Variants in PGC observed in about 807,000 individuals in gnomAD.
The protein encoded by PGC is progastricsin, also known as gastricsin.
In PGC, 31 loss-of-function variants were observed where a neutral mutation model predicts 45.9. The ratio of observed to expected loss-of-function variants is 0.67; its 90% CI spans 0.51 to 0.91. PGC has a LOEUF of 0.91. PGC is among the 40% of genes least tolerant of loss of function. The pLI is 0.00. For synonymous variants in PGC, 192 were observed against 201.8 expected (o/e 0.95, Z 0.41); for missense variants, 477 against 493.2 (o/e 0.97, Z 0.31).
chr6:41,742,345 C>T lies in PGC; in HGVS notation c.592G>A (p.Gly198Ser), dbSNP rs528863600. 8.7e-6 allele frequency: 14 copies of T among 1,614,178 alleles called. No homozygotes were observed. The highest frequency in any genetic ancestry group is 2.2e-5 in the East Asian group (1 of 44,880). Residue 198 changes from glycine to serine, a missense_variant, in exon 5 of 9, where the codon GGC becomes AGC. Coordinates refer to ENST00000373025, the MANE Select transcript of PGC (RefSeq NM_002630.4). Reference protein sequence around the residue: ...SVDEATTAMQGMVQEGALTSP... With the variant: ...SVDEATTAMQSMVQEGALTSP... ...GTGAGGGCGCCCTCCTGCACCATGC[C>T]CTGCATAGCTGTGGTGGCCTCATCC...
At chr6:41,738,295 C>T (rs956530020) in intron 7 of PGC, among the ~76,000 whole-genome samples, 2 of 145,066 alleles carry the variant, frequency 1.4e-5, no homozygotes, top group Non-Finnish European at 3.0e-5. Flanking sequence ...CATACACAGG[C>T]ATGAGCCATG....
Position 41,744,534 on chromosome 6 carries a change from C to T in PGC, c.211-20G>A, listed in dbSNP as rs1184357302. ...GGCAGCCTGGGGGCCATGGAGCAAG[C>T]TGTTAGTTCCAGAGGGATCCAGGGG... On this transcript the variant is annotated intron_variant, in intron 2 of 8. Coordinates refer to ENST00000373025, the MANE Select transcript of PGC (RefSeq NM_002630.4). This position sits in a 1 kb window ranked among gnomAD's most constrained non-coding sequence, Gnocchi z 4.4. 5.6e-6 allele frequency: 9 copies of T among 1,602,664 alleles called. No homozygotes were observed. Among genetic ancestry groups the T allele is most frequent in the African/African-American group, 1.3e-5 (1 of 74,702 alleles).
At chr6:41,738,154 A>ATG (rs1260069550) in intron 7 of PGC, among the ~76,000 whole-genome samples, 9 of 40,162 alleles carry the variant, frequency 2.2e-4, no homozygotes, top group African/African-American at 7.0e-4. Flanking sequence ...GCATATATAT[A>ATG]TACATATATA....
chr6:41,740,698 C>T, intron 5 of PGC, 88 bp from the exon 6 acceptor site: 6 of 1,504,030 alleles, frequency 4.0e-6, no homozygotes, highest in Non-Finnish European at 5.3e-6. Context: ...GGAAACAGAG[C>T]TCCTTCCCTG....
rs111317188 is a variant in PGC, at chr6:41,741,942, C to T, written c.647+348G>A. On this transcript the variant is annotated intron_variant, in intron 5 of 8. Transcript: ENST00000373025. ...GTCAGAAGGAAGTGAGCGAACTGCC[C>T]CACCCGCTTCTCCACCAGGAAGCCT... The T allele has an allele frequency of 6.3e-5, 58 of 919,556 alleles. 1 individual carries two copies. Among genetic ancestry groups the T allele is most frequent in the Middle Eastern group, 6.3e-4 (3 of 4,784 alleles). The allele number at this position is 919,556 out of a possible 1,614,324, so 57.0% of individuals were successfully genotyped here. A position where few individuals can be genotyped will look rare whatever the true frequency, so the allele number is the denominator to read the frequency against.
intron 6 of PGC, 33 bp from the exon 7 acceptor site, chr6:41,739,979 T>G (rs2127289114): frequency 6.2e-7 from 1 of 1,604,126 alleles, no homozygotes; most frequent in East Asian, 2.2e-5. Flanking sequence ...GCCTCAGGAC[T>G]CCCCCAGTTC....
intron 4 of PGC, among the ~76,000 whole-genome samples, chr6:41,742,801 CT>C (rs1020159388): frequency 6.6e-6 from 1 of 152,098 alleles, no homozygotes; most frequent in African/African-American, 2.4e-5. Context: ...ATTTTTTGTA[CT>C]TTTAATAGAG....
intron 7 of PGC, among the ~76,000 whole-genome samples, chr6:41,738,552 C>T (rs965152299): frequency 6.6e-6 from 1 of 151,894 alleles, no homozygotes; most frequent in East Asian, 1.9e-4. Flanking sequence ...TGCTTGAGCC[C>T]AGGAGGCGGA....
At position 41,736,744 on chromosome 6, in the gene PGC, A is replaced by G; in HGVS notation, c.*108T>C. ...AACTATTTATTATTAGAGAAAGTCC[A>G]GAGTCCAGAAAAAGAAGGCTGAATC... On this transcript the variant is annotated 3_prime_UTR_variant, in exon 9 of 9. Transcript: ENST00000373025. 1.7e-6 allele frequency: 2 copies of G among 1,143,292 alleles called. No individual in the cohort carries two copies. The allele number at this position is 1,143,292 out of a possible 1,614,324, so 70.8% of individuals were successfully genotyped here.
intron 7 of PGC, among the ~76,000 whole-genome samples, chr6:41,738,721 C>T (rs1771762905): frequency 6.6e-6 from 1 of 152,002 alleles, no homozygotes; most frequent in Non-Finnish European, 1.5e-5. Context: ...CTTTGGGAGG[C>T]CAAGGCAGGC....
chr6:41,743,117 G>A lies in PGC; in HGVS notation c.447+154C>T, dbSNP rs542937218. Among the ~76,000 whole-genome samples the A allele has an allele frequency of 5.3e-5, 8 of 152,346 alleles. No homozygotes were observed. In the East Asian group the frequency reaches 1.5e-3, roughly 29 times the overall value. On this transcript the variant is annotated intron_variant, in intron 4 of 8. Coordinates refer to ENST00000373025, the MANE Select transcript of PGC (RefSeq NM_002630.4). ...TAGCACATGGTGGCCACCAGTGAGTGTTGGGGGAGTGACTGAATGGACCTG... is the reference window on the plus strand; with the variant it reads ...TAGCACATGGTGGCCACCAGTGAGTATTGGGGGAGTGACTGAATGGACCTG...
chr6:41,741,872 CA>C, intron 5 of PGC: 1 of 1,498,760 alleles, frequency 6.7e-7, no homozygotes, highest in Non-Finnish European at 9.0e-7. Context: ...GGAGATGAAG[CA>C]ATACATTACT....
At chr6:41,740,147 A>G (rs1365526635) in intron 6 of PGC, among the ~76,000 whole-genome samples, 2 of 152,242 alleles carry the variant, frequency 1.3e-5, no homozygotes, top group African/African-American at 4.8e-5. Context: ...TTCTAAAAAC[A>G]CTGAAAACCA....
intron 5 of PGC, 139 bp downstream of exon 5, chr6:41,742,151 G>A (rs1771836872): frequency 1.3e-6 from 1 of 773,970 alleles, no homozygotes; most frequent in East Asian, 2.5e-5. Context: ...AGGAAGGAAG[G>A]CCCTGGAGCA....
chr6:41,739,899 T>G lies in PGC; in HGVS notation c.815A>C (p.Gln272Pro), dbSNP rs140458971. ...AGAGGTGCCTGTGTCCACGATGGCC[T>G]GGCAACCCTCAGAACACCAGCCGGA... The part of the protein sequence containing the change: ...QASGWCSEGC[Q>P]AIVDTGTSLL... Residue 272 changes from glutamine to proline, a missense_variant, in exon 7 of 9, where the codon CAG becomes CCG. By Grantham distance (76) the Gln-to-Pro change is moderately conservative (BLOSUM62 -1). Transcript: ENST00000373025. The G allele has an allele frequency of 1.2e-6, 2 of 1,614,046 alleles. No homozygotes were observed. The highest frequency in any genetic ancestry group is 3.3e-5 in the Admixed American group (2 of 60,020).
chr6:41,744,827 T>C lies in PGC; in HGVS notation c.60-19A>G, dbSNP rs1370944917. The stretch of plus-strand genomic sequence containing the variant: ...GGGCACTCTACAGAAAGGTTGCATA[T>C]GAGGCAAGGCCCTCCCTCCTTCCTC... On this transcript the variant is annotated intron_variant, in intron 1 of 8. Coordinates refer to ENST00000373025, the MANE Select transcript of PGC (RefSeq NM_002630.4). This position sits in a 1 kb window ranked among gnomAD's most constrained non-coding sequence, Gnocchi z 4.4. 6.2e-7 allele frequency: 1 copy of C among 1,610,292 alleles called. No homozygotes were observed. Among genetic ancestry groups the C allele is most frequent in the Non-Finnish European group, 8.5e-7 (1 of 1,177,918 alleles).
At chr6:41,742,561 T>TTGAGGAG in intron 4 of PGC, 72 bp from the exon 5 acceptor site, 3 of 1,096,436 alleles carry the variant, frequency 2.7e-6, no homozygotes, top group Non-Finnish European at 4.2e-6. Context: ...CCCTAGAGAC[T>TTGAGGAG]CCTCAAGCCT....
intron 4 of PGC, 69 bp from the exon 5 acceptor site, chr6:41,742,558 G>T: frequency 8.7e-7 from 1 of 1,151,320 alleles, no homozygotes. Flanking sequence ...TTCCCCTAGA[G>T]ACTCCTCAAG....
intron 1 of PGC, 61 bp downstream of exon 1, chr6:41,747,215 T>C (rs1241446495): frequency 2.0e-6 from 3 of 1,467,590 alleles, no homozygotes; most frequent in African/African-American, 1.4e-5. Flanking sequence ...CCAGTTGCCC[T>C]TTGCAGGGCT....
Sources: gnomAD v4.1 joint callset for allele counts (sites outside exome capture counted in the v4.1 genomes callset) on GRCh38, gnomAD v4.1.1 for gene constraint, Gnocchi (gnomAD v3.1) non-coding constraint, MANE v1.5 for transcripts, NCBI Gene and HGNC (gene_info 2026-07-23, HGNC 2026-07-21) for gene names.